Variants in SYCP2L observed in about 807,000 individuals in gnomAD.
The protein encoded by SYCP2L is synaptonemal complex protein 2 like.
A neutral mutation model predicts 125.8 loss-of-function variants in SYCP2L; 98 were observed. The observed-to-expected ratio is 0.78, with a 90% CI of 0.66 to 0.92. The LOEUF is 0.92. Ranked by LOEUF, SYCP2L falls within the 40% of genes least tolerant of loss-of-function variation. The pLI, the probability that SYCP2L is intolerant of heterozygous loss-of-function variation, is 0.00. For missense variants in SYCP2L, 842 were observed against 936.4 expected, an observed-to-expected ratio of 0.90 and a Z score of 1.32; for synonymous variants, 317 against 325.4, an observed-to-expected ratio of 0.97 and a Z score of 0.28.
chr6:10,932,999 C>G (rs1781024700), intron 20 of SYCP2L, among the ~76,000 whole-genome samples: 2 of 152,210 alleles, frequency 1.3e-5, no homozygotes, highest in Non-Finnish European at 2.9e-5. Context: ...AGTGATCCAC[C>G]TGCCTTGGCC....
intron 21 of SYCP2L, among the ~76,000 whole-genome samples, chr6:10,940,680 G>C (rs1013508390): frequency 6.6e-6 from 1 of 152,142 alleles, no homozygotes; most frequent in African/African-American, 2.4e-5. Flanking sequence ...GCTAGGAGGT[G>C]GGGGGAAAGA....
chr6:10,963,076 C>A (rs930436722), intron 28 of SYCP2L, among the ~76,000 whole-genome samples: 1 of 152,100 alleles, frequency 6.6e-6, no homozygotes. Context: ...GACTAAATCC[C>A]CAATATTAGG....
At chr6:10,901,191 A>C (rs1780370984) in intron 6 of SYCP2L, among the ~76,000 whole-genome samples, 1 of 152,154 alleles carries the variant, frequency 6.6e-6, no homozygotes. Flanking sequence ...GTTACCCTTA[A>C]TTTAATTACT....
intron 21 of SYCP2L, among the ~76,000 whole-genome samples, chr6:10,937,414 AT>A (rs1246112403): frequency 6.6e-6 from 1 of 152,190 alleles, no homozygotes; most frequent in Admixed American, 6.5e-5. Context: ...ACATACCAAA[AT>A]TTACAGGATG....
chr6:10,912,087 G>A lies in SYCP2L; in HGVS notation c.919-586G>A, dbSNP rs1780620325. On this transcript the variant is annotated intron_variant, in intron 12 of 29. Transcript: ENST00000283141. The surrounding 1 kb of genome is among the most constrained non-coding windows in gnomAD (Gnocchi z 4.1). ...GGGAGGAAACAAAGGCATTGTTAATGGTGCCTATGGAAAGGTACTTATGAA... is the reference window on the plus strand; with the variant it reads ...GGGAGGAAACAAAGGCATTGTTAATAGTGCCTATGGAAAGGTACTTATGAA... 6.6e-6 allele frequency among the ~76,000 whole-genome samples: 1 copy of A among 151,426 alleles called. No individual in the cohort carries two copies. The highest frequency in any genetic ancestry group is 2.4e-5 in the African/African-American group (1 of 41,216).
chr6:10,955,145 C>A lies in SYCP2L; in HGVS notation c.1984C>A (p.Gln662Lys). The A allele has an allele frequency of 6.2e-7, 1 of 1,613,452 alleles. No individual in the cohort carries two copies. The highest frequency in any genetic ancestry group is 8.5e-7 in the Non-Finnish European group (1 of 1,179,394). Residue 662 changes from glutamine (Q) to lysine (K), a missense_variant, in exon 24 of 30, where the codon CAA becomes AAA. Transcript: ENST00000283141. ...DIPEGSFAKS[Q>K]QSRLEEEVAP... Reference sequence around the variant, plus strand: ...ACCAGAAGGTAGTTTTGCTAAGTCACAACAATCAAGATTGGAAGAAGAGGT... The same window carrying A: ...ACCAGAAGGTAGTTTTGCTAAGTCAAAACAATCAAGATTGGAAGAAGAGGT...
At chr6:10,921,941 C>T (rs1302943723) in intron 14 of SYCP2L, among the ~76,000 whole-genome samples, 3 of 152,042 alleles carry the variant, frequency 2.0e-5, no homozygotes, top group Non-Finnish European at 2.9e-5. Flanking sequence ...CTCCTGACCT[C>T]GTGATCTGCC....
intron 29 of SYCP2L, among the ~76,000 whole-genome samples, chr6:10,970,315 T>C (rs2113435313): frequency 6.6e-6 from 1 of 152,148 alleles, no homozygotes; most frequent in South Asian, 2.1e-4. Flanking sequence ...AAGGCCCCAA[T>C]AGAAGGAGCA....
At chr6:10,952,046 C>T (rs1781419965) in intron 23 of SYCP2L, among the ~76,000 whole-genome samples, 1 of 152,208 alleles carries the variant, frequency 6.6e-6, no homozygotes, top group Non-Finnish European at 1.5e-5. Flanking sequence ...CCAACACATA[C>T]ACATGGATTT....
chr6:10,929,126 A>G (rs1780946980), intron 18 of SYCP2L, among the ~76,000 whole-genome samples: 1 of 152,064 alleles, frequency 6.6e-6, no homozygotes, highest in Admixed American at 6.6e-5. Flanking sequence ...TCCTGACCTC[A>G]GGTGATCACC....
intron 29 of SYCP2L, among the ~76,000 whole-genome samples, chr6:10,964,286 T>G (rs1781642935): frequency 6.6e-6 from 1 of 152,144 alleles, no homozygotes; most frequent in African/African-American, 2.4e-5. Flanking sequence ...ATTTCTCCCA[T>G]TTTAGAAATT....
rs1781463998 is a variant in SYCP2L, at chr6:10,954,404, CAG to C, written c.1955-707_1955-706del. On this transcript the variant is annotated intron_variant, in intron 23 of 29. Transcript: ENST00000283141. This position sits in a 1 kb window ranked among gnomAD's most constrained non-coding sequence, Gnocchi z 4.8. ...AGGGAGATGGCTTTGGGCAGGAACTCAGAGAGGGAGGGATTCATTCCATAGGC... is the reference window on the plus strand; with the variant it reads ...AGGGAGATGGCTTTGGGCAGGAACTCAGAGGGAGGGATTCATTCCATAGGC... Among the ~76,000 whole-genome samples the C allele has an allele frequency of 6.6e-6, 1 of 152,010 alleles. No homozygotes were observed. Among genetic ancestry groups the C allele is most frequent in the African/African-American group, 2.4e-5 (1 of 41,362 alleles).
rs551350794 is a variant in SYCP2L, at chr6:10,912,393, A to G, written c.919-280A>G. ...CTGTTTTCTCCGTGATTTTCATTAG[A>G]AAAAAAATTGTGTGGATAGAATAAT... On this transcript the variant is annotated intron_variant, in intron 12 of 29. Coordinates refer to ENST00000283141, the MANE Select transcript of SYCP2L (RefSeq NM_001040274.3). The surrounding 1 kb of genome is among the most constrained non-coding windows in gnomAD (Gnocchi z 4.1). 5.9e-5 allele frequency among the ~76,000 whole-genome samples: 9 copies of G among 152,180 alleles called. No homozygotes were observed. In the South Asian group the frequency reaches 6.2e-4, roughly 11 times the overall value.
chr6:10,933,068 C>T (rs140418994), intron 20 of SYCP2L, among the ~76,000 whole-genome samples: 1,842 of 152,180 alleles, frequency 0.012, 27 homozygotes, highest in Non-Finnish European at 0.015. Context: ...CTTAAAAAAT[C>T]GATAAATTTA....
At chr6:10,924,749 C>A (rs1780868352) in intron 15 of SYCP2L, 108 bp downstream of exon 15, 1 of 1,112,788 alleles carries the variant, frequency 9.0e-7, no homozygotes, top group Non-Finnish European at 1.2e-6. Context: ...AGCAGAAAAC[C>A]TGGTCTTTCA....
intron 16 of SYCP2L, 128 bp from the exon 17 acceptor site, chr6:10,927,112 G>A: frequency 2.8e-6 from 4 of 1,445,574 alleles, no homozygotes; most frequent in Non-Finnish European, 3.7e-6. Context: ...GAGGTTTGAG[G>A]CAGGACCTAA....
chr6:10,952,442 C>T (rs1165950422), intron 23 of SYCP2L, among the ~76,000 whole-genome samples: 3 of 152,144 alleles, frequency 2.0e-5, no homozygotes, highest in Admixed American at 1.3e-4. Context: ...GTTATTTACA[C>T]GATGTTCCTG....
At position 10,921,706 on chromosome 6, in the gene SYCP2L, CCA is replaced by C. The variant is rs991391996; in HGVS notation, c.1073-2788_1073-2787del. 3.2e-4 allele frequency among the ~76,000 whole-genome samples: 49 copies of C among 151,592 alleles called. 1 individual carries two copies. The highest frequency in any genetic ancestry group is 7.4e-5 in the Non-Finnish European group (5 of 67,900). On this transcript the variant is annotated intron_variant, in intron 14 of 29. Coordinates refer to ENST00000283141, the MANE Select transcript of SYCP2L (RefSeq NM_001040274.3). The stretch of plus-strand genomic sequence containing the variant: ...AGAAGTGTCTGTTTATGTCCTTTGA[CCA>C]CCTTTTTTTTTTTTTGAGATGGAGT...
In SYCP2L at chr6:10,909,624, A is replaced by G. The variant is rs144801684; in HGVS notation, c.820-524A>G. On this transcript the variant is annotated intron_variant, in intron 10 of 29. Transcript: ENST00000283141. ...TTCCTGAGAGCTGTTGGTTAGGAGA[A>G]CTCTAATAATAGTCTTTGTTCTTAG... 2.5e-3 allele frequency among the ~76,000 whole-genome samples: 380 copies of G among 152,258 alleles called. 1 individual carries two copies. The highest frequency in any genetic ancestry group is 8.9e-3 in the African/African-American group (368 of 41,550).
Sources: allele counts gnomAD v4.1 joint callset (sites outside exome capture counted in the v4.1 genomes callset), GRCh38; gene constraint gnomAD v4.1.1; non-coding constraint Gnocchi (gnomAD v3.1); transcripts MANE v1.5; gene names NCBI Gene and HGNC (gene_info 2026-07-23, HGNC 2026-07-21).